Variants in PRKN observed in about 807,000 individuals in gnomAD.
The protein encoded by PRKN is E3 ubiquitin-protein ligase parkin.
In PRKN, 56 loss-of-function variants were observed where a neutral mutation model predicts 59.5. The ratio of observed to expected loss-of-function variants is 0.94; its 90% CI spans 0.76 to 1.18. PRKN has a LOEUF of 1.18. Among genes scored for constraint, PRKN ranks in the 50% most tolerant of loss-of-function variants. The pLI, the probability that PRKN is intolerant of heterozygous loss-of-function variation, is 0.00. For synonymous variants in PRKN, 250 were observed against 222.1 expected (o/e 1.13, Z -1.12); for missense variants, 657 against 596.4 (o/e 1.10, Z -1.06).
chr6:161,953,252 C>A (rs1341550453), intron 6 of PRKN, among the ~76,000 whole-genome samples: 2 of 152,116 alleles, frequency 1.3e-5, no homozygotes, highest in Non-Finnish European at 2.9e-5. Flanking sequence ...GCTAGGACCA[C>A]AGGTGTGTGC....
intron 5 of PRKN, among the ~76,000 whole-genome samples, chr6:161,983,919 A>T (rs1354769618): frequency 6.6e-6 from 1 of 151,964 alleles, no homozygotes; most frequent in Non-Finnish European, 1.5e-5. Flanking sequence ...AAAAAAAAAA[A>T]ATAAAATAAA....
intron 1 of PRKN, among the ~76,000 whole-genome samples, chr6:162,576,333 A>G (rs188229864): frequency 1.3e-5 from 2 of 152,330 alleles, no homozygotes; most frequent in Non-Finnish European, 2.9e-5. Flanking sequence ...CATGCTGTCT[A>G]TTAATACAAA....
chr6:162,641,380 T>C (rs756725756), intron 1 of PRKN, among the ~76,000 whole-genome samples: 14 of 151,956 alleles, frequency 9.2e-5, no homozygotes, highest in Non-Finnish European at 1.5e-4. Flanking sequence ...TGCAATCAAA[T>C]TGTAGAAGGC....
intron 6 of PRKN, among the ~76,000 whole-genome samples, chr6:161,858,275 A>G (rs924027263): frequency 2.0e-5 from 3 of 152,116 alleles, no homozygotes; most frequent in African/African-American, 7.3e-5. Flanking sequence ...ATGTGAAGCA[A>G]AAACTGTTAC....
At chr6:162,292,957 G>A (rs1781511109) in intron 2 of PRKN, among the ~76,000 whole-genome samples, 1 of 152,156 alleles carries the variant, frequency 6.6e-6, no homozygotes, top group Admixed American at 6.5e-5. Flanking sequence ...GGTCGCTGGG[G>A]ACCCAAGGGG....
rs75151084 is a variant in PRKN at position 161,357,373 on chromosome 6, G to A, written c.1285+2715C>T. Among the ~76,000 whole-genome samples the A allele has an allele frequency of 0.14, 20,859 of 152,090 alleles. 1,541 individuals carry two copies. The highest frequency in any genetic ancestry group is 0.19 in the South Asian group (908 of 4,808). ...AGCCTCGCTGACCACTTCTTATCTT[G>A]CAAACTGCCACCACCAGAGTCTGGG... On this transcript the variant is annotated intron_variant, in intron 11 of 11. Coordinates refer to ENST00000366898, the MANE Select transcript of PRKN (RefSeq NM_004562.3). The surrounding 1 kb of genome is among the most constrained non-coding windows in gnomAD (Gnocchi z 5.5).
rs1044073959 is a variant in PRKN, at chr6:161,525,235, A to G, written c.1083+23619T>C. 6.6e-6 allele frequency among the ~76,000 whole-genome samples: 1 copy of G among 152,160 alleles called. No individual in the cohort carries two copies. Among genetic ancestry groups the G allele is most frequent in the Admixed American group, 6.5e-5 (1 of 15,268 alleles). On this transcript the variant is annotated intron_variant, in intron 9 of 11. Transcript: ENST00000366898. The surrounding 1 kb of genome is among the most constrained non-coding windows in gnomAD (Gnocchi z 4.7). The stretch of plus-strand genomic sequence containing the variant: ...AGTATAAAGCCATCCTTTATAAAAC[A>G]GGACAACAAATCTTACACTAAAAAT...
At chr6:161,928,082 AGT>A (rs1307163229) in intron 6 of PRKN, among the ~76,000 whole-genome samples, 2 of 152,184 alleles carry the variant, frequency 1.3e-5, no homozygotes, top group African/African-American at 2.4e-5. Flanking sequence ...GATTGGGATT[AGT>A]GTCTTTATGA....
In PRKN at chr6:161,420,187, G is replaced by A. The variant is rs141312246; in HGVS notation, c.1084-33310C>T. Reference sequence around the variant, plus strand: ...CAGGAGACAGAGGTTGCAGTGAGCCGAGATCATGCGCCGCTGCACTCCAGC... The same window carrying A: ...CAGGAGACAGAGGTTGCAGTGAGCCAAGATCATGCGCCGCTGCACTCCAGC... On this transcript the variant is annotated intron_variant, in intron 9 of 11. Coordinates refer to ENST00000366898, the MANE Select transcript of PRKN (RefSeq NM_004562.3). Among the ~76,000 whole-genome samples the A allele has an allele frequency of 4.1e-4, 61 of 149,270 alleles. No homozygotes were observed. In the East Asian group the frequency reaches 8.1e-3, roughly 20 times the overall value.
intron 9 of PRKN, among the ~76,000 whole-genome samples, chr6:161,427,935 T>G (rs1314224557): frequency 1.3e-5 from 2 of 152,182 alleles, no homozygotes; most frequent in African/African-American, 2.4e-5. Context: ...TCGATATACC[T>G]GAAAACAGAG....
chr6:162,185,944 A>T (rs968074075), intron 4 of PRKN, among the ~76,000 whole-genome samples: 3 of 152,156 alleles, frequency 2.0e-5, no homozygotes, highest in Admixed American at 6.5e-5. Context: ...AGAAGAGGCT[A>T]TGTAGCAGAA....
chr6:161,365,461 A>G (rs961059842), intron 10 of PRKN, among the ~76,000 whole-genome samples: 3 of 152,212 alleles, frequency 2.0e-5, no homozygotes, highest in Non-Finnish European at 4.4e-5. Flanking sequence ...AAAGGATGTT[A>G]TACTCAGCCC....
At chr6:161,599,236 C>G (rs1466478018) in intron 7 of PRKN, among the ~76,000 whole-genome samples, 1 of 152,160 alleles carries the variant, frequency 6.6e-6, no homozygotes, top group African/African-American at 2.4e-5. Context: ...TGTTTTTTGG[C>G]AGCCCTAGGA....
At chr6:162,021,742 A>C (rs1161538777) in intron 5 of PRKN, among the ~76,000 whole-genome samples, 1 of 152,174 alleles carries the variant, frequency 6.6e-6, no homozygotes, top group Non-Finnish European at 1.5e-5. Flanking sequence ...AGTTTTGTAC[A>C]TGGGTATATC....
chr6:162,104,697 A>G (rs1326171667), intron 4 of PRKN, among the ~76,000 whole-genome samples: 1 of 152,166 alleles, frequency 6.6e-6, no homozygotes, highest in Non-Finnish European at 1.5e-5. Context: ...TGTAACACCA[A>G]TTGTTGCTGG....
intron 1 of PRKN, among the ~76,000 whole-genome samples, chr6:162,507,652 A>T (rs1389085775): frequency 1.3e-5 from 2 of 152,184 alleles, no homozygotes; most frequent in African/African-American, 2.4e-5. Context: ...TATGTATAGG[A>T]TTTATGAAAG....
intron 6 of PRKN, among the ~76,000 whole-genome samples, chr6:161,872,670 C>T (rs1794389915): frequency 6.6e-6 from 1 of 152,080 alleles, no homozygotes; most frequent in Admixed American, 6.5e-5. Flanking sequence ...CAGCAGCCAG[C>T]TCCATAAAGT....
At chr6:161,828,584 T>C (rs1792343481) in intron 6 of PRKN, among the ~76,000 whole-genome samples, 1 of 152,134 alleles carries the variant, frequency 6.6e-6, no homozygotes. Context: ...CCCGCCCCTC[T>C]GTTTCTCACT....
rs1168585686 is a variant in PRKN, at chr6:161,470,258, T to C, written c.1083+78596A>G. Among the ~76,000 whole-genome samples the C allele has an allele frequency of 6.6e-6, 1 of 152,250 alleles. No individual in the cohort carries two copies. Among genetic ancestry groups the C allele is most frequent in the Non-Finnish European group, 1.5e-5 (1 of 68,036 alleles). Reference sequence around the variant, plus strand: ...TGATTATATGCTTTAGTTATATTACTACCTTTGCTGTCATAGGCCCATTAG... The same window carrying C: ...TGATTATATGCTTTAGTTATATTACCACCTTTGCTGTCATAGGCCCATTAG... On this transcript the variant is annotated intron_variant, in intron 9 of 11. Transcript: ENST00000366898. This position sits in a 1 kb window ranked among gnomAD's most constrained non-coding sequence, Gnocchi z 5.1.
Sources: gnomAD v4.1 joint callset for allele counts (sites outside exome capture counted in the v4.1 genomes callset) on GRCh38, gnomAD v4.1.1 for gene constraint, Gnocchi (gnomAD v3.1) non-coding constraint, MANE v1.5 for transcripts, NCBI Gene and HGNC (gene_info 2026-07-23, HGNC 2026-07-21) for gene names.